MAP2K6: variants seen among roughly 807,000 people sequenced by gnomAD.
The protein encoded by MAP2K6 is dual specificity mitogen-activated protein kinase kinase 6.
Under a neutral mutation model 53.7 loss-of-function variants are expected in MAP2K6, and 16 were observed. The ratio of observed to expected loss-of-function variants is 0.30; its 90% CI spans 0.20 to 0.45. MAP2K6 has a LOEUF of 0.45. Ranked by LOEUF, MAP2K6 falls within the 20% of genes least tolerant of loss-of-function variation. MAP2K6 has a pLI of 1.00. For missense variants in MAP2K6, 204 were observed against 411.9 expected, an observed-to-expected ratio of 0.50 and a Z score of 4.37; for synonymous variants, 132 against 143.1, an observed-to-expected ratio of 0.92 and a Z score of 0.55.
intron 1 of MAP2K6, among the ~76,000 whole-genome samples, chr17:69,476,586 G>T (rs1439290465): frequency 1.3e-5 from 2 of 152,210 alleles, no homozygotes; most frequent in African/African-American, 4.8e-5. Context: ...ATACTACACT[G>T]ATAGATTAGG....
chr17:69,507,002 G>A (rs757100540), intron 2 of MAP2K6, among the ~76,000 whole-genome samples: 10 of 146,366 alleles, frequency 6.8e-5, no homozygotes, highest in African/African-American at 1.0e-4. Flanking sequence ...TCTTTTTCTC[G>A]TAGACCTGTG....
rs527878493 is a variant in MAP2K6, at chr17:69,494,404, A to G, written c.17-11376A>G. On this transcript the variant is annotated intron_variant, in intron 1 of 11. Transcript: ENST00000590474. The surrounding 1 kb of genome is among the most constrained non-coding windows in gnomAD (Gnocchi z 4.2). Reference sequence around the variant, plus strand: ...TCTCAGCTACTTGGGAGGCTGGGGCATGAAAATCGCTTGTACCCAGGAGGC... The same window carrying G: ...TCTCAGCTACTTGGGAGGCTGGGGCGTGAAAATCGCTTGTACCCAGGAGGC... Among the ~76,000 whole-genome samples, 244 of 151,360 alleles carry G rather than the reference A, an allele frequency of 1.6e-3. 1 individual carries two copies. The highest frequency in any genetic ancestry group is 5.7e-3 in the African/African-American group (237 of 41,252).
intron 10 of MAP2K6, among the ~76,000 whole-genome samples, chr17:69,529,170 C>T (rs1910945619): frequency 6.6e-6 from 1 of 152,304 alleles, no homozygotes; most frequent in East Asian, 1.9e-4. Context: ...TTCAAAATCA[C>T]TGCCCCCTAG....
intron 1 of MAP2K6, among the ~76,000 whole-genome samples, chr17:69,498,803 T>C (rs1485084188): frequency 6.6e-6 from 1 of 152,078 alleles, no homozygotes; most frequent in Non-Finnish European, 1.5e-5. Flanking sequence ...CAGGCACTAG[T>C]TCTAGGAGGT....
chr17:69,514,436 C>G (rs540686198), intron 2 of MAP2K6, among the ~76,000 whole-genome samples: 2 of 152,110 alleles, frequency 1.3e-5, no homozygotes, highest in African/African-American at 4.8e-5. Context: ...CCTCTCAGTC[C>G]CCAGTTTTAA....
chr17:69,441,414 A>T (rs1906815195), intron 1 of MAP2K6, among the ~76,000 whole-genome samples: 2 of 152,044 alleles, frequency 1.3e-5, no homozygotes, highest in Admixed American at 1.3e-4. Context: ...TCTGCTCTTG[A>T]GACCATCCAT....
chr17:69,512,942 A>C (rs188355356), intron 2 of MAP2K6, among the ~76,000 whole-genome samples: 1 of 152,220 alleles, frequency 6.6e-6, no homozygotes, highest in Non-Finnish European at 1.5e-5. Flanking sequence ...CTGGTTGTTC[A>C]TATAAAAAAA....
At chr17:69,525,084 G>A (rs781771623) in intron 9 of MAP2K6, 106 bp downstream of exon 9, 25 of 816,606 alleles carry the variant, frequency 3.1e-5, no homozygotes, top group Admixed American at 7.8e-5. Flanking sequence ...GGTTTGGGGC[G>A]CCCTCTCCTG....
chr17:69,428,931 A>AACACACACAC (rs140138538), intron 1 of MAP2K6, among the ~76,000 whole-genome samples: 4,983 of 137,198 alleles, frequency 0.036, 105 homozygotes, highest in Non-Finnish European at 0.043. Context: ...TAAATTAGAG[A>AACACACACAC]ACACACACAC....
intron 11 of MAP2K6, 23 bp from the exon 12 acceptor site, chr17:69,541,653 T>C: frequency 6.4e-7 from 1 of 1,571,750 alleles, no homozygotes; most frequent in Non-Finnish European, 8.7e-7. Flanking sequence ...ATTAATACCA[T>C]GTTTTTTCTT....
chr17:69,437,086 C>A (rs1457528303), intron 1 of MAP2K6, among the ~76,000 whole-genome samples: 1 of 152,168 alleles, frequency 6.6e-6, no homozygotes. Flanking sequence ...CTTGGCCTCC[C>A]AAAGTGCTGG....
intron 1 of MAP2K6, among the ~76,000 whole-genome samples, chr17:69,457,501 G>C (rs1380595279): frequency 6.6e-6 from 1 of 152,146 alleles, no homozygotes; most frequent in Non-Finnish European, 1.5e-5. Context: ...ATGGTCCCTG[G>C]ACTTGCAGAC....
chr17:69,515,348 G>T (rs578221345), intron 2 of MAP2K6, among the ~76,000 whole-genome samples: 1 of 151,796 alleles, frequency 6.6e-6, no homozygotes, highest in Admixed American at 6.6e-5. Context: ...GTAGAGATGG[G>T]GTTTCACCAC....
intron 1 of MAP2K6, among the ~76,000 whole-genome samples, chr17:69,465,281 T>G (rs1391966709): frequency 1.3e-5 from 2 of 151,916 alleles, no homozygotes; most frequent in Non-Finnish European, 2.9e-5. Flanking sequence ...AAGTCTTTAA[T>G]AAAATGATAT....
At position 69,550,179 on chromosome 17, in the gene MAP2K6, AAG is replaced by A. The variant is rs1282931769; in HGVS notation, c.*8429_*8430del. The A allele has an allele frequency of 4.6e-5, 7 of 152,278 alleles. No individual in the cohort carries two copies. The highest frequency in any genetic ancestry group is 1.4e-4 in the African/African-American group (6 of 41,552). 9.4% of individuals were successfully genotyped at this position (152,278 alleles called of 1,614,324 possible). The stretch of plus-strand genomic sequence containing the variant: ...TGTATCCCTAGTGTTATTGATTTGA[AAG>A]AGTTACCTTTTCAGACAGATGGCTG... On this transcript the variant is annotated 3_prime_UTR_variant, in exon 12 of 12. Transcript: ENST00000590474.
intron 1 of MAP2K6, 90 bp downstream of exon 1, chr17:69,415,090 A>G (rs369887457): frequency 6.9e-5 from 89 of 1,297,660 alleles, no homozygotes; most frequent in Non-Finnish European, 2.0e-5. Flanking sequence ...TGGCGAGTGC[A>G]TTTTTAAGTT....
At chr17:69,486,999 T>C (rs1567836122) in intron 1 of MAP2K6, among the ~76,000 whole-genome samples, 2 of 152,194 alleles carry the variant, frequency 1.3e-5, no homozygotes, top group African/African-American at 2.4e-5. Flanking sequence ...AGTTTTTTGA[T>C]TGAGTCTAGA....
chr17:69,516,672 G>A (rs1481667349), intron 2 of MAP2K6, among the ~76,000 whole-genome samples, 183 bp from the exon 3 acceptor site: 1 of 152,158 alleles, frequency 6.6e-6, no homozygotes, highest in Non-Finnish European at 1.5e-5. Flanking sequence ...GAGATTAAGT[G>A]ATTTAAACCC....
intron 1 of MAP2K6, among the ~76,000 whole-genome samples, chr17:69,463,152 T>A (rs1162599924): frequency 6.6e-6 from 1 of 151,712 alleles, no homozygotes; most frequent in African/African-American, 2.4e-5. Flanking sequence ...GCTAAGAAAC[T>A]GATTTGAAGT....
Sources: allele counts gnomAD v4.1 joint callset (sites outside exome capture counted in the v4.1 genomes callset), GRCh38; gene constraint gnomAD v4.1.1; non-coding constraint Gnocchi (gnomAD v3.1); transcripts MANE v1.5; gene names NCBI Gene and HGNC (gene_info 2026-07-23, HGNC 2026-07-21).